ZNF469: variants seen among roughly 807,000 people sequenced by gnomAD.
The protein encoded by ZNF469 is zinc finger protein 469.
In ZNF469, 1 loss-of-function variant was observed where a neutral mutation model predicts 1.0. The observed-to-expected ratio is 1.00, with a 90% CI of 0.35 to 4.73. The LOEUF is 4.73. Among genes scored for constraint, ZNF469 ranks in the 30% most tolerant of loss-of-function variants. ZNF469 has a pLI of 0.16. For synonymous variants in ZNF469, 2,703 were observed against 2,363.4 expected (o/e 1.14, Z -4.17); for missense variants, 6,100 against 5,356.3 (o/e 1.14, Z -4.33).
At chr16:88,135,112 G>A in the ZNF469 span, among the ~76,000 whole-genome samples, 7 of 152,358 alleles carry the variant, frequency 4.6e-5, no homozygotes, top group African/African-American at 1.7e-4. Context: ...GGAAGAATGG[G>A]CACTCCCTGC....
the ZNF469 span, among the ~76,000 whole-genome samples, chr16:88,149,240 A>G: frequency 6.6e-6 from 1 of 152,186 alleles, no homozygotes; most frequent in African/African-American, 2.4e-5. Context: ...TCTTCCTGGA[A>G]AGAGATGTGC....
chr16:88,437,244 A>C lies in ZNF469; in HGVS notation c.9774A>C (p.Gln3258His), dbSNP rs1430140953. The C allele has an allele frequency of 1.9e-6, 3 of 1,549,056 alleles. No individual in the cohort carries two copies. The highest frequency in any genetic ancestry group is 3.9e-5 in the Admixed American group (2 of 50,940). ...GGAGCCCGGGAGACCCGTGGGGGCA[A>C]GAGGGAGAAGCCAAGAAAGACAGCC... ...AAGSPGDPWG[Q>H]EGEAKKDSPG... Residue 3258 changes from glutamine (Q) to histidine (H), a missense_variant, in exon 3 of 3, where the codon CAA (glutamine) becomes CAC (histidine). Transcript: ENST00000565624.
At chr16:88,344,515 C>T in the ZNF469 span, among the ~76,000 whole-genome samples, 6,861 of 152,310 alleles carry the variant, frequency 0.045, 498 homozygotes, top group African/African-American at 0.16. Context: ...AGGTGCTCTG[C>T]AGAGTGAAAG....
At chr16:88,401,781 G>T (rs565513406) in intron 1 of ZNF469, among the ~76,000 whole-genome samples, 12 of 151,782 alleles carry the variant, frequency 7.9e-5, no homozygotes, top group African/African-American at 2.7e-4. Flanking sequence ...ATGGATGCAT[G>T]GGTGGATGGA....
chr16:88,264,820 A>G, the ZNF469 span, among the ~76,000 whole-genome samples: 1 of 151,680 alleles, frequency 6.6e-6, no homozygotes, highest in East Asian at 1.9e-4. Context: ...CCCGCCTCGC[A>G]CCCTCGCGCC....
rs1439346452 is a variant in ZNF469 at position 88,436,916 on chromosome 16, T to C, written c.9446T>C (p.Val3149Ala). The change falls in exon 3 of 3, where the codon GTG (valine) becomes GCG (alanine). Residue 3149 changes from valine to alanine, a missense_variant. Coordinates refer to ENST00000565624, the MANE Select transcript of ZNF469 (RefSeq NM_001367624.2). ...CCGCCGCCCACCTGCTACATGTGCG[T>C]GGAGCGCAGGTTTGGCTCGCGGGAG... ...PAPPPTCYMC[V>A]ERRFGSRELL... 6 of 1,500,506 alleles carry C rather than the reference T, an allele frequency of 4.0e-6. No homozygotes were observed. The highest frequency in any genetic ancestry group is 5.3e-6 in the Non-Finnish European group (6 of 1,126,388). The allele number at this position is 1,500,506 out of a possible 1,614,324, so 92.9% of individuals were successfully genotyped here.
the ZNF469 span, among the ~76,000 whole-genome samples, chr16:88,114,250 A>C: frequency 1.6e-5 from 2 of 127,710 alleles, 1 homozygote; most frequent in Admixed American, 1.7e-4. Flanking sequence ...ACACTCACTC[A>C]CTGCGGGTGT....
In ZNF469 at chr16:88,438,728, C is replaced by G; in HGVS notation, c.11258C>G (p.Ala3753Gly). 1 of 1,550,052 alleles carries G rather than the reference C, an allele frequency of 6.5e-7. No homozygotes were observed. The highest frequency in any genetic ancestry group is 8.7e-7 in the Non-Finnish European group (1 of 1,146,844). ...GGAGGTGGCAGCCAGCCCCAGCCAGCCAGCGGGCAGCTCCAGAGCGAGACA... is the reference window on the plus strand; with the variant it reads ...GGAGGTGGCAGCCAGCCCCAGCCAGGCAGCGGGCAGCTCCAGAGCGAGACA... ...KTGGGSQPQP[A>G]SGQLQSETAT... The change falls in exon 3 of 3, where the codon GCC (alanine) becomes GGC (glycine). Residue 3753 changes from alanine (A) to glycine (G), a missense_variant. Transcript: ENST00000565624.
At chr16:88,124,641 A>G in the ZNF469 span, among the ~76,000 whole-genome samples, 2 of 152,088 alleles carry the variant, frequency 1.3e-5, no homozygotes, top group South Asian at 4.2e-4. Flanking sequence ...CTGGAGTGCA[A>G]TGGCACGATC....
chr16:88,170,613 C>T, the ZNF469 span, among the ~76,000 whole-genome samples: 3 of 152,166 alleles, frequency 2.0e-5, no homozygotes, highest in Non-Finnish European at 4.4e-5. This position sits in a 1 kb window ranked among gnomAD's most constrained non-coding sequence, Gnocchi z 4.2. Flanking sequence ...GATGACAGGA[C>T]GGCCTTCTTT....
At chr16:88,179,355 C>G in the ZNF469 span, among the ~76,000 whole-genome samples, 1 of 152,208 alleles carries the variant, frequency 6.6e-6, no homozygotes, top group Non-Finnish European at 1.5e-5. Flanking sequence ...GCCCCTCCCT[C>G]CCTTTGGCTT....
chr16:88,102,062 C>A, the ZNF469 span, among the ~76,000 whole-genome samples: 1 of 136,012 alleles, frequency 7.4e-6, no homozygotes, highest in African/African-American at 2.6e-5. Flanking sequence ...CACCCCCCCA[C>A]CCCCGCCCCC....
chr16:88,140,375 G>C, the ZNF469 span, among the ~76,000 whole-genome samples: 1 of 149,144 alleles, frequency 6.7e-6, no homozygotes, highest in Admixed American at 6.7e-5. Context: ...GAAATCGGGG[G>C]GTAGCACGGA....
At chr16:88,161,834 A>G in the ZNF469 span, among the ~76,000 whole-genome samples, 2 of 152,370 alleles carry the variant, frequency 1.3e-5, no homozygotes, top group South Asian at 4.1e-4. Context: ...CTTGGCGTGC[A>G]GTGTTACAGT....
Position 88,437,180 on chromosome 16 carries a change from A to C in ZNF469, c.9710A>C (p.Lys3237Thr). ...LLNSITEPAPKHHRGKRSAGK... is the reference protein window; with the variant it reads ...LLNSITEPAPTHHRGKRSAGK... ...AACAGCATCACGGAACCCGCGCCCA[A>C]ACACCACAGGGGCAAGCGCTCCGCC... is the stretch of plus-strand genomic sequence containing the variant. The change falls in exon 3 of 3, where the codon AAA becomes ACA. Residue 3237 changes from lysine to threonine, a missense_variant. By Grantham distance (78) the Lys-to-Thr change is moderately conservative (BLOSUM62 -1). Transcript: ENST00000565624. 6.5e-7 allele frequency: 1 copy of C among 1,549,488 alleles called. No individual in the cohort carries two copies.
chr16:88,169,054 A>G, the ZNF469 span, among the ~76,000 whole-genome samples: 1 of 151,742 alleles, frequency 6.6e-6, no homozygotes, highest in African/African-American at 2.4e-5. This position sits in a 1 kb window ranked among gnomAD's most constrained non-coding sequence, Gnocchi z 6.1. Flanking sequence ...TGGGGGACAG[A>G]GTGTTAGGGT....
intron 1 of ZNF469, among the ~76,000 whole-genome samples, chr16:88,422,141 T>G (rs1905480346): frequency 7.0e-6 from 1 of 142,698 alleles, no homozygotes; most frequent in African/African-American, 2.6e-5. Context: ...GAGTGATGGG[T>G]GAACGGGTGG....
the ZNF469 span, among the ~76,000 whole-genome samples, chr16:88,206,777 G>T: frequency 1.3e-5 from 2 of 148,478 alleles, no homozygotes; most frequent in African/African-American, 5.0e-5. Flanking sequence ...ATCCCACTTG[G>T]TATCTCTGTG....
At chr16:88,175,242 C>T in the ZNF469 span, among the ~76,000 whole-genome samples, 1 of 152,148 alleles carries the variant, frequency 6.6e-6, no homozygotes, top group East Asian at 1.9e-4. Flanking sequence ...GGGACTGTAA[C>T]CTCACCAACA....
Sources: allele counts gnomAD v4.1 joint callset (sites outside exome capture counted in the v4.1 genomes callset), GRCh38; gene constraint gnomAD v4.1.1; non-coding constraint Gnocchi (gnomAD v3.1); transcripts MANE v1.5; gene names NCBI Gene and HGNC (gene_info 2026-07-23, HGNC 2026-07-21).